The following CHN2 variants were observed in gnomAD, a reference collection of about 807,000 sequenced individuals.
The protein encoded by CHN2 is beta-chimaerin.
In CHN2, 35 loss-of-function variants were observed where a neutral mutation model predicts 56.3. That is an observed-to-expected ratio of 0.62 (90% confidence interval 0.47 to 0.82). The LOEUF (loss-of-function observed/expected upper bound fraction) is 0.82, where lower values mean the gene tolerates loss of function less well. Ranked by LOEUF, CHN2 falls within the 40% of genes least tolerant of loss-of-function variation. The pLI is 0.00. For synonymous variants in CHN2, 210 were observed against 212.8 expected (o/e 0.99, Z 0.12); for missense variants, 491 against 580.5 (o/e 0.85, Z 1.58).
chr7:29,192,228 C>T (rs946769555), upstream of CHN2: 5 of 152,274 alleles, frequency 3.3e-5, no homozygotes, highest in East Asian at 1.9e-4. Context: ...ACATGAGTCT[C>T]AGCTTTTTTC....
chr7:29,149,700 G>A (rs1361893037), intron 2 of CHN2, among the ~76,000 whole-genome samples: 1 of 152,072 alleles, frequency 6.6e-6, no homozygotes, highest in Non-Finnish European at 1.5e-5. Flanking sequence ...AAACCTGGAG[G>A]GGAAGGATCC....
At chr7:29,451,783 C>A (rs1275477221) in intron 6 of CHN2, among the ~76,000 whole-genome samples, 2 of 152,128 alleles carry the variant, frequency 1.3e-5, no homozygotes, top group Non-Finnish European at 2.9e-5. Flanking sequence ...GTGATTAGCC[C>A]CCCGTCTTAC....
At chr7:29,393,130 C>A (rs1801489284) in intron 3 of CHN2, among the ~76,000 whole-genome samples, 1 of 152,186 alleles carries the variant, frequency 6.6e-6, no homozygotes, top group Non-Finnish European at 1.5e-5. Context: ...TAAATCTTGT[C>A]CCCTGTAGCC....
At chr7:29,491,747 TA>T (rs1236055844) in intron 7 of CHN2, among the ~76,000 whole-genome samples, 1 of 152,218 alleles carries the variant, frequency 6.6e-6, no homozygotes, top group African/African-American at 2.4e-5. Flanking sequence ...CACCCTTTTT[TA>T]AATTATCAAA....
At chr7:29,172,493 C>A (rs780552242) in intron 2 of CHN2, among the ~76,000 whole-genome samples, 1 of 152,154 alleles carries the variant, frequency 6.6e-6, no homozygotes, top group Admixed American at 6.5e-5. Flanking sequence ...AATAACCAAG[C>A]CTTCAGATTC....
intron 1 of CHN2, among the ~76,000 whole-genome samples, chr7:29,258,468 C>T (rs184530787): frequency 2.4e-4 from 37 of 152,276 alleles, no homozygotes; most frequent in Admixed American, 3.9e-4. Flanking sequence ...AAGTGTTTCT[C>T]TGCTCGCCTC....
At chr7:29,168,891 T>C (rs1254748107) in intron 2 of CHN2, among the ~76,000 whole-genome samples, 1 of 152,212 alleles carries the variant, frequency 6.6e-6, no homozygotes, top group Non-Finnish European at 1.5e-5. Flanking sequence ...ATCTATAAGC[T>C]TCTAAGAGGT....
At chr7:29,417,845 G>C (rs1803932261) in intron 6 of CHN2, among the ~76,000 whole-genome samples, 2 of 152,126 alleles carry the variant, frequency 1.3e-5, no homozygotes, top group African/African-American at 4.8e-5. Context: ...ATGGTGCCAC[G>C]GAGAGGCCCC....
At chr7:29,299,550 A>G (rs574395238) in intron 1 of CHN2, among the ~76,000 whole-genome samples, 102 of 152,248 alleles carry the variant, frequency 6.7e-4, no homozygotes, top group Non-Finnish European at 1.2e-3. Flanking sequence ...TCATACATCA[A>G]ATAAGGATGG....
chr7:29,485,097 C>T (rs1235606353), intron 7 of CHN2, among the ~76,000 whole-genome samples: 1 of 151,464 alleles, frequency 6.6e-6, no homozygotes, highest in Non-Finnish European at 1.5e-5. Flanking sequence ...ACCAAAAAAA[C>T]TTTAAAATAG....
At chr7:29,333,267 G>A (rs908234847) in intron 1 of CHN2, among the ~76,000 whole-genome samples, 11 of 152,158 alleles carry the variant, frequency 7.2e-5, no homozygotes, top group East Asian at 3.9e-4. Context: ...CACACCAGGC[G>A]TCAGTGGAGG....
intron 2 of CHN2, among the ~76,000 whole-genome samples, chr7:29,177,175 T>G (rs1202992477): frequency 6.6e-6 from 1 of 152,204 alleles, no homozygotes; most frequent in Non-Finnish European, 1.5e-5. Context: ...ATCTTCAGAT[T>G]GCTTAAAGTA....
At chr7:29,354,854 C>T (rs1409204244) in intron 2 of CHN2, among the ~76,000 whole-genome samples, 191 bp downstream of exon 2, 2 of 152,056 alleles carry the variant, frequency 1.3e-5, no homozygotes, top group African/African-American at 4.8e-5. Context: ...CCAAGGCCTC[C>T]AAGAACCAGC....
At chr7:29,317,672 G>T (rs908731031) in intron 1 of CHN2, among the ~76,000 whole-genome samples, 2 of 152,150 alleles carry the variant, frequency 1.3e-5, no homozygotes, top group Non-Finnish European at 2.9e-5. Context: ...ATAGGAGGGA[G>T]AGATCATTAG....
intron 7 of CHN2, among the ~76,000 whole-genome samples, chr7:29,488,815 C>T (rs911479551): frequency 2.6e-4 from 40 of 152,084 alleles, no homozygotes; most frequent in Admixed American, 1.9e-3. Context: ...CCACAATGTA[C>T]GAGGCAGACC....
chr7:29,261,269 C>G (rs940893438), intron 1 of CHN2, among the ~76,000 whole-genome samples: 1 of 152,210 alleles, frequency 6.6e-6, no homozygotes, highest in African/African-American at 2.4e-5. Context: ...TAATGACCGG[C>G]GGAGGGGGTT....
intron 6 of CHN2, among the ~76,000 whole-genome samples, chr7:29,405,897 G>A (rs1802609465): frequency 6.6e-6 from 1 of 152,140 alleles, no homozygotes; most frequent in African/African-American, 2.4e-5. Context: ...TCTTTGCCTA[G>A]GAATGATTCC....
At chr7:29,494,750 C>T (rs10244487) in intron 7 of CHN2, among the ~76,000 whole-genome samples, 3 of 151,934 alleles carry the variant, frequency 2.0e-5, no homozygotes, top group African/African-American at 7.2e-5. Flanking sequence ...TATCATCTTT[C>T]TCTGCTTTTA....
At chr7:29,412,339 TTTTTTTTTTG>T (rs1339541764) in intron 6 of CHN2, among the ~76,000 whole-genome samples, 23 of 98,620 alleles carry the variant, frequency 2.3e-4, no homozygotes, top group African/African-American at 6.7e-4. Context: ...TTTTTTTTTT[TTTTTTTTTTG>T]GGAGACGGAG....
Sources: gnomAD v4.1 joint callset for allele counts (sites outside exome capture counted in the v4.1 genomes callset) on GRCh38, gnomAD v4.1.1 for gene constraint, MANE v1.5 for transcripts, NCBI Gene and HGNC (gene_info 2026-07-23, HGNC 2026-07-21) for gene names.